DPEP1: variants seen among roughly 807,000 people sequenced by gnomAD.
DPEP1 encodes the protein dipeptidase 1, also known as beta-lactamase.
A neutral mutation model predicts 42.3 loss-of-function variants in DPEP1; 50 were observed. The observed-to-expected ratio is 1.18, with a 90% CI of 0.94 to 1.50. The LOEUF (loss-of-function observed/expected upper bound fraction) is 1.50, where lower values mean the gene tolerates loss of function less well. DPEP1 is among the 40% of genes most tolerant of loss of function. The pLI is 0.00. For missense variants in DPEP1, 663 were observed against 553.0 expected (o/e 1.20, Z -1.99); for synonymous variants, 297 against 234.0 (o/e 1.27, Z -2.46).
At position 89,615,691 on chromosome 16, in the gene DPEP1, A is replaced by G. The variant is rs967369499; in HGVS notation, c.-107+1972A>G. ...GGACCCCGCCTTGCAGGACCCCGCG[A>G]GGCCCCGGTGAACTGGAGCCGGGAA... On this transcript the variant is annotated intron_variant, in intron 1 of 10. Transcript: ENST00000690203. Among the ~76,000 whole-genome samples, 7 of 152,182 alleles carry G rather than the reference A, an allele frequency of 4.6e-5. 1 individual carries two copies. The highest frequency in any genetic ancestry group is 7.2e-5 in the African/African-American group (3 of 41,438).
intron 1 of DPEP1, among the ~76,000 whole-genome samples, chr16:89,627,097 TA>T (rs533006660): frequency 2.8e-5 from 4 of 145,394 alleles, no homozygotes; most frequent in Middle Eastern, 3.6e-3. Flanking sequence ...TTGTCTCTAC[TA>T]AAAAAAAAGA....
chr16:89,624,488 G>T (rs2059482603), intron 1 of DPEP1, among the ~76,000 whole-genome samples: 1 of 152,070 alleles, frequency 6.6e-6, no homozygotes, highest in Non-Finnish European at 1.5e-5. Flanking sequence ...AAGCGAGAAA[G>T]GTCGGGAGTG....
At position 89,637,936 on chromosome 16, in the gene DPEP1, G is replaced by T; in HGVS notation, c.1030G>T (p.Asp344Tyr). ...GGCGGAGGTCAAGGGCGCACTGGCT[G>T]ACAACCTGCTGAGGGTCTTCGAGGC... ...TEAEVKGALA[D>Y]NLLRVFEAVE... The change falls in exon 10 of 11, where the codon GAC becomes TAC. Residue 344 changes from aspartate (D) to tyrosine (Y), a missense_variant. Asp to Tyr is a radical substitution (Grantham distance 160, BLOSUM62 -3). Transcript: ENST00000690203. 3.1e-6 allele frequency: 5 copies of T among 1,610,696 alleles called. No individual in the cohort carries two copies. The highest frequency in any genetic ancestry group is 4.2e-6 in the Non-Finnish European group (5 of 1,178,990).
intron 10 of DPEP1, 37 bp from the exon 11 acceptor site, chr16:89,638,015 C>T: frequency 6.2e-7 from 1 of 1,609,716 alleles, no homozygotes. Flanking sequence ...CCACCACCAG[C>T]AGGCAGGCTG....
At chr16:89,636,751 C>A in intron 5 of DPEP1, 68 bp downstream of exon 5, 2 of 1,599,770 alleles carry the variant, frequency 1.3e-6, no homozygotes, top group Non-Finnish European at 1.7e-6. Context: ...CTCCCTGCCA[C>A]CCTCCAGAGC....
chr16:89,635,877 G>T, intron 2 of DPEP1, 31 bp from the exon 3 acceptor site: 1 of 1,566,608 alleles, frequency 6.4e-7, no homozygotes. Flanking sequence ...TGGCCGCCCT[G>T]ACTGCCTGGC....
At position 89,614,736 on chromosome 16, in the gene DPEP1, G is replaced by A. The variant is rs13334988; in HGVS notation, c.-107+1017G>A. Among the ~76,000 whole-genome samples, 150 of 152,276 alleles carry A rather than the reference G, an allele frequency of 9.9e-4. 2 individuals carry two copies. The highest frequency in any genetic ancestry group is 3.9e-3 in the Admixed American group (60 of 15,294). Reference sequence around the variant, plus strand: ...CGTGAACCCGGGAGGCGGAGGTTGCGGTGAGCTGAGATCGTGCCACTGCAC... The same window carrying A: ...CGTGAACCCGGGAGGCGGAGGTTGCAGTGAGCTGAGATCGTGCCACTGCAC... On this transcript the variant is annotated intron_variant, in intron 1 of 10. Coordinates refer to ENST00000690203, the MANE Select transcript of DPEP1 (RefSeq NM_001389466.1).
intron 1 of DPEP1, among the ~76,000 whole-genome samples, chr16:89,618,473 C>T (rs2151477425): frequency 6.6e-6 from 1 of 152,316 alleles, no homozygotes; most frequent in South Asian, 2.1e-4. Flanking sequence ...CCGCCTTGGC[C>T]ACCCAAAGTG....
chr16:89,635,958 A>C lies in DPEP1; in HGVS notation c.155A>C (p.Gln52Pro). 1.2e-6 allele frequency: 2 copies of C among 1,612,114 alleles called. No individual in the cohort carries two copies. The highest frequency in any genetic ancestry group is 1.7e-6 in the Non-Finnish European group (2 of 1,179,630). Residue 52 changes from glutamine (Q) to proline (P), a missense_variant, in exon 3 of 11, where the codon CAG becomes CCG. Gln to Pro is a moderately conservative substitution (Grantham distance 76, BLOSUM62 -1). Transcript: ENST00000690203. ...CTGGATATGTTCAACAACCGGCTGC[A>C]GGACGAGAGGGCCAACCTGACCACC... Reference protein sequence around the residue: ...QLLDMFNNRLQDERANLTTLA... With the variant: ...QLLDMFNNRLPDERANLTTLA...
At chr16:89,633,353 C>T (rs1454055690) in intron 2 of DPEP1, among the ~76,000 whole-genome samples, 5 of 152,222 alleles carry the variant, frequency 3.3e-5, no homozygotes, top group African/African-American at 7.2e-5. Context: ...ATCAGGCGTG[C>T]GCCCGCCCAT....
At position 89,638,309 on chromosome 16, in the gene DPEP1, C is replaced by G. The variant is rs1042103245; in HGVS notation, c.*87C>G. The G allele has an allele frequency of 5.2e-5, 75 of 1,451,942 alleles. 1 individual carries two copies. The Middle Eastern group carries it at 2.0e-3, about 39-fold the overall frequency. 89.9% of individuals were successfully genotyped at this position (1,451,942 alleles called of 1,614,324 possible). A position where few individuals can be genotyped will look rare whatever the true frequency, so the allele number is the denominator to read the frequency against. ...AGGACTCCAGATGCCAGGAGCCCTGCTGCCCACATGCAAGGACCAGCATCT... is the reference window on the plus strand; with the variant it reads ...AGGACTCCAGATGCCAGGAGCCCTGGTGCCCACATGCAAGGACCAGCATCT... On this transcript the variant is annotated 3_prime_UTR_variant, in exon 11 of 11. Transcript: ENST00000690203.
intron 1 of DPEP1, among the ~76,000 whole-genome samples, chr16:89,628,929 T>G (rs2059550435): frequency 6.6e-6 from 1 of 151,506 alleles, no homozygotes. Flanking sequence ...CGGGTTCAAG[T>G]GATTCTCCTG....
intron 1 of DPEP1, among the ~76,000 whole-genome samples, chr16:89,618,916 C>T (rs1466157766): frequency 6.7e-6 from 1 of 149,502 alleles, no homozygotes; most frequent in Non-Finnish European, 1.5e-5. Context: ...GGTTGCCCTC[C>T]CTGCTCCCTC....
chr16:89,615,248 G>T (rs571141232), intron 1 of DPEP1, among the ~76,000 whole-genome samples: 1 of 152,204 alleles, frequency 6.6e-6, no homozygotes, highest in African/African-American at 2.4e-5. Context: ...TGCGGTGGAC[G>T]GACACTGAGC....
At position 89,614,743 on chromosome 16, in the gene DPEP1, T is replaced by G. The variant is rs553889518; in HGVS notation, c.-107+1024T>G. On this transcript the variant is annotated intron_variant, in intron 1 of 10. Transcript: ENST00000690203. The stretch of plus-strand genomic sequence containing the variant: ...CCGGGAGGCGGAGGTTGCGGTGAGC[T>G]GAGATCGTGCCACTGCACTCCAGCC... Among the ~76,000 whole-genome samples, 4 of 152,228 alleles carry G rather than the reference T, an allele frequency of 2.6e-5. 1 individual carries two copies. The South Asian group carries it at 8.3e-4, about 32-fold the overall frequency.
At chr16:89,630,943 A>C (rs2059580034) in intron 2 of DPEP1, among the ~76,000 whole-genome samples, 1 of 151,818 alleles carries the variant, frequency 6.6e-6, no homozygotes, top group African/African-American at 2.4e-5. Flanking sequence ...AGGGCCCCCA[A>C]AGACTTCAGC....
intron 1 of DPEP1, among the ~76,000 whole-genome samples, chr16:89,618,889 A>C (rs2059408647): frequency 6.6e-6 from 1 of 151,218 alleles, no homozygotes; most frequent in South Asian, 2.1e-4. Context: ...AGCACCCTCT[A>C]CCTTTGGCTT....
In DPEP1 at chr16:89,638,257, G is replaced by C. The variant is rs199753095; in HGVS notation, c.*35G>C. 1 of 1,494,124 alleles carries C rather than the reference G, an allele frequency of 6.7e-7. No individual in the cohort carries two copies. Among genetic ancestry groups the C allele is most frequent in the African/African-American group, 1.4e-5 (1 of 71,266 alleles). 92.6% of individuals were successfully genotyped at this position (1,494,124 alleles called of 1,614,324 possible). A position where few individuals can be genotyped will look rare whatever the true frequency, so the allele number is the denominator to read the frequency against. On this transcript the variant is annotated 3_prime_UTR_variant, in exon 11 of 11. Coordinates refer to ENST00000690203, the MANE Select transcript of DPEP1 (RefSeq NM_001389466.1). ...GACCAGAGTCCCCTTTAGGGTTCCC[G>C]GAGCTCCGGGAAGACCCGCCCATCC...
intron 1 of DPEP1, among the ~76,000 whole-genome samples, chr16:89,621,599 T>C (rs1352527136): frequency 6.6e-6 from 1 of 152,174 alleles, no homozygotes; most frequent in East Asian, 1.9e-4. Context: ...TTTGGGGGCC[T>C]CTGTGCCAGG....
Sources: allele counts gnomAD v4.1 joint callset (sites outside exome capture counted in the v4.1 genomes callset), GRCh38; gene constraint gnomAD v4.1.1; transcripts MANE v1.5; gene names NCBI Gene and HGNC (gene_info 2026-07-23, HGNC 2026-07-21).